Variants in C1QTNF7 observed in about 807,000 individuals in gnomAD.
C1QTNF7 encodes complement C1q tumor necrosis factor-related protein 7.
C1QTNF7 carries 15 observed loss-of-function variants against 19.6 expected under a neutral mutation model. The observed-to-expected ratio is 0.76, with a 90% CI of 0.51 to 1.18. The LOEUF is 1.18. Ranked by LOEUF, C1QTNF7 falls within the 50% of genes most tolerant of loss-of-function variation. The pLI is 0.00. For missense variants in C1QTNF7, 324 were observed against 359.7 expected, an observed-to-expected ratio of 0.90 and a Z score of 0.80; for synonymous variants, 142 against 137.5, an observed-to-expected ratio of 1.03 and a Z score of -0.23.
chr4:15,360,497 C>T (rs1717300371), intron 1 of C1QTNF7, among the ~76,000 whole-genome samples: 1 of 152,098 alleles, frequency 6.6e-6, no homozygotes, highest in Non-Finnish European at 1.5e-5. Context: ...CTGAACGGAG[C>T]TTATCTAACA....
intron 1 of C1QTNF7, among the ~76,000 whole-genome samples, chr4:15,406,765 T>C (rs733388): frequency 6.6e-6 from 1 of 152,024 alleles, no homozygotes; most frequent in East Asian, 1.9e-4. Context: ...TGATCATATA[T>C]AGTAAGAGAT....
At chr4:15,405,152 G>A (rs1436269319) in intron 1 of C1QTNF7, among the ~76,000 whole-genome samples, 2 of 152,160 alleles carry the variant, frequency 1.3e-5, no homozygotes, top group Non-Finnish European at 2.9e-5. Context: ...TGGTTCAGCT[G>A]CTCATTAAAG....
chr4:15,368,704 G>T (rs187590818), intron 1 of C1QTNF7, among the ~76,000 whole-genome samples: 8 of 152,162 alleles, frequency 5.3e-5, no homozygotes, highest in African/African-American at 1.9e-4. Context: ...TGGGCATTTG[G>T]GTAGGTTCCA....
At chr4:15,349,863 A>G (rs924424384) in intron 1 of C1QTNF7, among the ~76,000 whole-genome samples, 2 of 152,134 alleles carry the variant, frequency 1.3e-5, no homozygotes, top group African/African-American at 4.8e-5. Flanking sequence ...AGTAAAGAAT[A>G]CGAGTCTCAT....
At position 15,428,057 on chromosome 4, in the gene C1QTNF7, A is replaced by T; in HGVS notation, c.-58A>T. 1.0e-6 allele frequency: 1 copy of T among 985,448 alleles called. No individual in the cohort carries two copies. Among genetic ancestry groups the T allele is most frequent in the Non-Finnish European group, 1.2e-6 (1 of 829,928 alleles). 61.0% of individuals were successfully genotyped at this position (985,448 alleles called of 1,614,324 possible). On this transcript the variant is annotated 5_prime_UTR_variant, in exon 1 of 3. Transcript: ENST00000444304. ...CACTGAGCTCTCATGAAAGATCCTC[A>T]GTCTCTTGTGGATTTAGAATCCTGC...
At chr4:15,382,514 T>C (rs916342840) in intron 1 of C1QTNF7, among the ~76,000 whole-genome samples, 1 of 152,154 alleles carries the variant, frequency 6.6e-6, no homozygotes, top group Non-Finnish European at 1.5e-5. Flanking sequence ...TCTCTTTCCT[T>C]ACCTGGAAAA....
chr4:15,394,411 A>C (rs1421821765), intron 1 of C1QTNF7, among the ~76,000 whole-genome samples: 1 of 152,262 alleles, frequency 6.6e-6, no homozygotes, highest in Non-Finnish European at 1.5e-5. Flanking sequence ...TAGGCAGAGA[A>C]AGGTATTCAC....
At chr4:15,408,603 G>T (rs1719289884) in intron 1 of C1QTNF7, among the ~76,000 whole-genome samples, 1 of 152,056 alleles carries the variant, frequency 6.6e-6, no homozygotes, top group Non-Finnish European at 1.5e-5. Context: ...GTGGGAAGGG[G>T]CTAAACTATT....
chr4:15,374,859 C>G, intron 1 of C1QTNF7: 2 of 597,602 alleles, frequency 3.3e-6, no homozygotes, highest in African/African-American at 3.4e-5. Flanking sequence ...GTGTTTCTCT[C>G]TCTCTCTCTC....
chr4:15,416,042 A>T (rs887176975), intron 1 of C1QTNF7, among the ~76,000 whole-genome samples: 2 of 152,210 alleles, frequency 1.3e-5, no homozygotes, highest in Non-Finnish European at 2.9e-5. Context: ...TCTTCAAATT[A>T]CATCCTAAGG....
chr4:15,412,021 C>T lies in C1QTNF7; in HGVS notation c.14-23715C>T, dbSNP rs544580305. Reference sequence around the variant, plus strand: ...TCACATTACCACCTGAGCTTCACCACCTGTCAGATCAGCAACAACATTATA... The same window carrying T: ...TCACATTACCACCTGAGCTTCACCATCTGTCAGATCAGCAACAACATTATA... On this transcript the variant is annotated intron_variant, in intron 1 of 2. Transcript: ENST00000295297. 5.9e-5 allele frequency among the ~76,000 whole-genome samples: 9 copies of T among 152,226 alleles called. 1 individual carries two copies. Among genetic ancestry groups the T allele is most frequent in the Admixed American group, 5.9e-4 (9 of 15,294 alleles).
At chr4:15,365,692 T>C (rs1215046228) in intron 1 of C1QTNF7, among the ~76,000 whole-genome samples, 1 of 152,166 alleles carries the variant, frequency 6.6e-6, no homozygotes, top group Non-Finnish European at 1.5e-5. Context: ...AAGTATTTTT[T>C]TCTCTCTCTC....
At chr4:15,421,921 A>C (rs534352026) in intron 1 of C1QTNF7, among the ~76,000 whole-genome samples, 122 of 152,308 alleles carry the variant, frequency 8.0e-4, no homozygotes, top group African/African-American at 2.9e-3. Context: ...TAAGTGAAAG[A>C]ACAGAGCCTC....
At chr4:15,406,338 T>C (rs1255253160) in intron 1 of C1QTNF7, among the ~76,000 whole-genome samples, 1 of 152,046 alleles carries the variant, frequency 6.6e-6, no homozygotes, top group Non-Finnish European at 1.5e-5. Flanking sequence ...GAACCAGTAA[T>C]GGGGATGCAA....
rs777038270 is a variant in C1QTNF7, at chr4:15,442,143, A to G, written c.239-25A>G. The G allele has an allele frequency of 2.6e-6, 4 of 1,559,182 alleles. No homozygotes were observed. In the Admixed American group the frequency reaches 8.3e-5, roughly 32 times the overall value. On this transcript the variant is annotated intron_variant, in intron 2 of 2. Coordinates refer to ENST00000444304, the MANE Select transcript of C1QTNF7 (RefSeq NM_031911.5). ...GATTATATCTTTTGAGGAACTATTA[A>G]TCAAACTATATACTCTTTCTGAAGG...
intron 2 of C1QTNF7, among the ~76,000 whole-genome samples, 158 bp downstream of exon 2, chr4:15,436,139 TCCCTAAACTCTGTAGC>T (rs1247628461): frequency 6.6e-6 from 1 of 152,234 alleles, no homozygotes; most frequent in Non-Finnish European, 1.5e-5. Flanking sequence ...TTCAGATGCT[TCCCTAAACTCTGTAGC>T]TGCATCCTTA....
At chr4:15,376,242 C>T (rs1301419978) in intron 1 of C1QTNF7, among the ~76,000 whole-genome samples, 1 of 152,220 alleles carries the variant, frequency 6.6e-6, no homozygotes, top group Admixed American at 6.5e-5. Context: ...CACTGACTGT[C>T]TGAGCTGTGC....
At chr4:15,372,184 G>T (rs543224147) in intron 1 of C1QTNF7, among the ~76,000 whole-genome samples, 5 of 152,140 alleles carry the variant, frequency 3.3e-5, no homozygotes, top group Non-Finnish European at 7.4e-5. Context: ...GGACTGAATT[G>T]TGTCACCCCA....
At chr4:15,395,864 G>A (rs1718762488) in intron 1 of C1QTNF7, among the ~76,000 whole-genome samples, 1 of 152,136 alleles carries the variant, frequency 6.6e-6, no homozygotes, top group African/African-American at 2.4e-5. Context: ...ATGGTCATCT[G>A]GCCAGTCAGT....
Sources: allele counts gnomAD v4.1 joint callset (sites outside exome capture counted in the v4.1 genomes callset), GRCh38; gene constraint gnomAD v4.1.1; transcripts MANE v1.5; gene names NCBI Gene and HGNC (gene_info 2026-07-23, HGNC 2026-07-21).